The following CMIP variants were observed in gnomAD, a reference collection of about 807,000 sequenced individuals.
The protein encoded by CMIP is c-Maf inducing protein.
In CMIP, 13 loss-of-function variants were observed where a neutral mutation model predicts 97.3. The observed-to-expected ratio is 0.13, with a 90% CI of 0.09 to 0.21. CMIP has a LOEUF of 0.21. Among genes scored for constraint, CMIP ranks in the 10% least tolerant of loss-of-function variants. The pLI, the probability that CMIP is intolerant of heterozygous loss-of-function variation, is 1.00. For synonymous variants in CMIP, 538 were observed against 436.3 expected, an observed-to-expected ratio of 1.23 and a Z score of -2.91; for missense variants, 847 against 1,024.9, an observed-to-expected ratio of 0.83 and a Z score of 2.37.
chr16:81,467,825 C>T (rs561959098), intron 1 of CMIP, among the ~76,000 whole-genome samples: 37 of 151,668 alleles, frequency 2.4e-4, no homozygotes, highest in African/African-American at 8.9e-4. Flanking sequence ...AAGCAATTCA[C>T]CTGCCTCGGC....
chr16:81,619,925 G>C (rs1199674082), intron 2 of CMIP: 3 of 152,264 alleles, frequency 2.0e-5, no homozygotes, highest in Admixed American at 2.0e-4. Context: ...AGCAGACCGA[G>C]AAAGGAGGTG....
intron 2 of CMIP, among the ~76,000 whole-genome samples, chr16:81,611,811 C>G (rs774956568): frequency 3.3e-5 from 5 of 152,200 alleles, no homozygotes; most frequent in African/African-American, 4.8e-5. Flanking sequence ...TTGCAGACCT[C>G]GGGGAGCTGA....
At chr16:81,696,870 GC>G (rs1426808688) in intron 14 of CMIP, 2 of 599,332 alleles carry the variant, frequency 3.3e-6, no homozygotes, top group Non-Finnish European at 5.9e-6. Flanking sequence ...GAGGCTCCAA[GC>G]CAAGCACTTG....
chr16:81,598,753 G>A (rs547732835), intron 1 of CMIP, among the ~76,000 whole-genome samples: 1 of 152,212 alleles, frequency 6.6e-6, no homozygotes, highest in Non-Finnish European at 1.5e-5. Context: ...GATCACCTGA[G>A]GTCAGGCGTT....
At chr16:81,487,299 C>G (rs375852425) in intron 1 of CMIP, among the ~76,000 whole-genome samples, 1 of 152,202 alleles carries the variant, frequency 6.6e-6, no homozygotes, top group African/African-American at 2.4e-5. Context: ...AAGGCTGTCC[C>G]GGGCGGTCAC....
Position 81,595,866 on chromosome 16 carries a change from T to C in CMIP, c.301-11701T>C, listed in dbSNP as rs140833607. 5.9e-3 allele frequency among the ~76,000 whole-genome samples: 900 copies of C among 152,330 alleles called. 13 individuals carry two copies. Among genetic ancestry groups the C allele is most frequent in the African/African-American group, 0.021 (861 of 41,576 alleles). ...GAATACTTGTGTGCATGTTTTTGTG[T>C]GAACCTATGTTTTCACAACTCTTAG... On this transcript the variant is annotated intron_variant, in intron 1 of 20. Transcript: ENST00000537098.
intron 14 of CMIP, chr16:81,697,247 TG>T (rs1906839713): frequency 6.5e-6 from 1 of 153,350 alleles, no homozygotes; most frequent in Non-Finnish European, 1.5e-5. Context: ...ACTGCATCCT[TG>T]TTGCTGAATT....
At chr16:81,513,072 C>A (rs2089844261) in intron 1 of CMIP, among the ~76,000 whole-genome samples, 2 of 152,200 alleles carry the variant, frequency 1.3e-5, no homozygotes, top group Admixed American at 1.3e-4. Context: ...AGTTACTATT[C>A]TTTTGGATGC....
chr16:81,644,016 C>G, intron 3 of CMIP, among the ~76,000 whole-genome samples: 1 of 152,048 alleles, frequency 6.6e-6, no homozygotes, highest in Non-Finnish European at 1.5e-5. Context: ...AGAAAGGAAT[C>G]CCAGTCAGAG....
At chr16:81,512,109 T>C (rs2089823633) in intron 1 of CMIP, among the ~76,000 whole-genome samples, 1 of 152,228 alleles carries the variant, frequency 6.6e-6, no homozygotes, top group Admixed American at 6.5e-5. Flanking sequence ...ATTTCACCTG[T>C]TTTACTTTTT....
In CMIP at chr16:81,641,542, A is replaced by G. The variant is rs1222813044; in HGVS notation, c.478-10661A>G. 2.6e-5 allele frequency among the ~76,000 whole-genome samples: 4 copies of G among 152,306 alleles called. No homozygotes were observed. In the South Asian group the frequency reaches 6.2e-4, roughly 24 times the overall value. On this transcript the variant is annotated intron_variant, in intron 3 of 20. Coordinates refer to ENST00000537098, the MANE Select transcript of CMIP (RefSeq NM_198390.3). ...GGGAGCCTGACACCAAGGCCAGCTT[A>G]TCTCCTTGCCAGCCAGGCACGTGGT...
At chr16:81,530,518 C>T (rs920218640) in intron 1 of CMIP, among the ~76,000 whole-genome samples, 1 of 152,124 alleles carries the variant, frequency 6.6e-6, no homozygotes, top group Non-Finnish European at 1.5e-5. Flanking sequence ...AGTGACTCAC[C>T]TGGCACCCCT....
intron 10 of CMIP, among the ~76,000 whole-genome samples, chr16:81,689,814 C>G (rs1051364783): frequency 1.3e-5 from 2 of 152,172 alleles, no homozygotes; most frequent in African/African-American, 4.8e-5. Context: ...TTTAATCCAT[C>G]TTGAATTAAT....
Position 81,710,031 on chromosome 16 carries a change from T to C in CMIP, c.*232T>C. 3.6e-6 allele frequency: 1 copy of C among 281,096 alleles called. No individual in the cohort carries two copies. Among genetic ancestry groups the C allele is most frequent in the Non-Finnish European group, 6.3e-6 (1 of 157,722 alleles). 17.4% of individuals were successfully genotyped at this position (281,096 alleles called of 1,614,324 possible). A position where few individuals can be genotyped will look rare whatever the true frequency, so the allele number is the denominator to read the frequency against. ...TTGGAACCTTTGACCTGATCTAAAG[T>C]GGACTTTGTAGCAACAAGAGGAGCA... On this transcript the variant is annotated 3_prime_UTR_variant, in exon 21 of 21. Transcript: ENST00000537098.
At chr16:81,446,304 A>AAT (rs1366291082) in intron 1 of CMIP, among the ~76,000 whole-genome samples, 2 of 152,064 alleles carry the variant, frequency 1.3e-5, no homozygotes, top group African/African-American at 2.4e-5. Flanking sequence ...ATTGTTTTTA[A>AAT]ATACATGGGT....
At chr16:81,492,314 G>C (rs76081613) in intron 1 of CMIP, among the ~76,000 whole-genome samples, 2 of 152,246 alleles carry the variant, frequency 1.3e-5, no homozygotes, top group African/African-American at 4.8e-5. Flanking sequence ...TTAACTTCAC[G>C]TGTTGAAAAT....
At chr16:81,660,851 C>A in intron 5 of CMIP, 33 bp from the exon 6 acceptor site, 2 of 1,613,692 alleles carry the variant, frequency 1.2e-6, no homozygotes, top group Non-Finnish European at 1.7e-6. Context: ...CTATCTACCC[C>A]ACGGTTCCTG....
intron 1 of CMIP, among the ~76,000 whole-genome samples, chr16:81,449,633 A>G (rs902821890): frequency 7.2e-6 from 1 of 139,082 alleles, no homozygotes; most frequent in Non-Finnish European, 1.5e-5. Flanking sequence ...CCTTTAATTT[A>G]TTTGATGTTT....
At chr16:81,482,287 C>T (rs2089238225) in intron 1 of CMIP, among the ~76,000 whole-genome samples, 2 of 152,156 alleles carry the variant, frequency 1.3e-5, no homozygotes, top group African/African-American at 4.8e-5. Context: ...GTCCCTTTGC[C>T]ATGTCAGGCC....
Sources: gnomAD v4.1 joint callset for allele counts (sites outside exome capture counted in the v4.1 genomes callset) on GRCh38, gnomAD v4.1.1 for gene constraint, MANE v1.5 for transcripts, NCBI Gene and HGNC (gene_info 2026-07-23, HGNC 2026-07-21) for gene names.